The following DNAH12 variants were observed in gnomAD, a reference collection of about 807,000 sequenced individuals.
DNAH12 encodes dynein axonemal heavy chain 12.
DNAH12 carries 285 observed loss-of-function variants against 371.5 expected under a neutral mutation model. That is an observed-to-expected ratio of 0.77 (90% CI 0.70 to 0.85). The LOEUF is 0.85. DNAH12 is among the 40% of genes least tolerant of loss of function. The probability of loss-of-function intolerance (pLI) is 0.00; values close to 1 mark genes in which losing one functional copy is unlikely to be tolerated. For missense variants in DNAH12, 3,611 were observed against 3,689.4 expected (o/e 0.98, Z 0.55); for synonymous variants, 1,200 against 1,213.0 (o/e 0.99, Z 0.22).
intron 50 of DNAH12, among the ~76,000 whole-genome samples, chr3:57,382,034 A>G: frequency 6.6e-6 from 1 of 152,164 alleles, no homozygotes; most frequent in Non-Finnish European, 1.5e-5. Flanking sequence ...CACCTGGCTA[A>G]TTTATATATT....
intron 45 of DNAH12, among the ~76,000 whole-genome samples, chr3:57,389,869 C>G (rs1295401325): frequency 1.7e-5 from 2 of 115,034 alleles, no homozygotes; most frequent in Non-Finnish European, 4.0e-5. Context: ...TGGAGTTTCA[C>G]TCTGTTGCCA....
At position 57,310,759 on chromosome 3, in the gene DNAH12, T is replaced by A; in HGVS notation, c.10854A>T (p.Ala3618=). ...YKFSPSGNYF[A]PPKGTYEDYI... The stretch of plus-strand genomic sequence containing the variant: ...AGTCCTCATAAGTGCCTTTAGGAGG[T>A]GCAAAATAGTTTCCACTGGGAGAAA... Residue 3618 remains alanine (A), a synonymous_variant, in exon 67 of 74, where the codon GCA becomes GCT. Transcript: ENST00000495027. 1 of 1,551,602 alleles carries A rather than the reference T, an allele frequency of 6.4e-7. No individual in the cohort carries two copies. Among genetic ancestry groups the A allele is most frequent in the Non-Finnish European group, 8.7e-7 (1 of 1,146,942 alleles).
chr3:57,349,004 T>C (rs782619682), intron 60 of DNAH12, among the ~76,000 whole-genome samples: 2 of 148,486 alleles, frequency 1.3e-5, no homozygotes, highest in African/African-American at 2.5e-5. Context: ...AAAAACCTCC[T>C]GCACAGCAAA....
chr3:57,512,252 C>T (rs1255427562), intron 4 of DNAH12, among the ~76,000 whole-genome samples: 1 of 152,170 alleles, frequency 6.6e-6, no homozygotes, highest in Admixed American at 6.5e-5. Context: ...CACAAGAAAA[C>T]AAGTATTGCA....
At chr3:57,485,476 C>A (rs1417966769) in intron 12 of DNAH12, among the ~76,000 whole-genome samples, 1 of 151,346 alleles carries the variant, frequency 6.6e-6, no homozygotes, top group East Asian at 2.0e-4. Flanking sequence ...TGGTGCAATA[C>A]ACCACAACCT....
the DNAH12 span, among the ~76,000 whole-genome samples, chr3:57,553,327 C>T: frequency 6.6e-6 from 1 of 152,202 alleles, no homozygotes; most frequent in Non-Finnish European, 1.5e-5. Context: ...TCACCCTGTT[C>T]CTGAGTATCC....
chr3:57,499,118 G>C lies in DNAH12; in HGVS notation c.1335+2203C>G, dbSNP rs988473511. ...AGTAAAAGAAATCAGATGCAAAAGA[G>C]TATGTATATATGATTCTATTTATCT... On this transcript the variant is annotated intron_variant, in intron 11 of 73. Coordinates refer to ENST00000495027, the MANE Select transcript of DNAH12 (RefSeq NM_001366028.2). Among the ~76,000 whole-genome samples, 17 of 152,132 alleles carry C rather than the reference G, an allele frequency of 1.1e-4. 1 individual carries two copies. Among genetic ancestry groups the C allele is most frequent in the Admixed American group, 2.6e-4 (4 of 15,268 alleles).
intron 2 of DNAH12, among the ~76,000 whole-genome samples, chr3:57,525,479 G>C (rs1015397744): frequency 1.3e-5 from 2 of 152,210 alleles, no homozygotes; most frequent in East Asian, 1.9e-4. Flanking sequence ...CTGTGAGATG[G>C]GTGGGGATGT....
At chr3:57,519,415 C>T (rs540054397) in intron 4 of DNAH12, among the ~76,000 whole-genome samples, 13 of 152,154 alleles carry the variant, frequency 8.5e-5, no homozygotes, top group Non-Finnish European at 1.5e-4. Context: ...CACTCCTAAG[C>T]TATGTGTGCG....
chr3:57,436,831 C>A, intron 30 of DNAH12, 120 bp downstream of exon 30: 1 of 615,280 alleles, frequency 1.6e-6, no homozygotes, highest in Non-Finnish European at 2.6e-6. Context: ...GGCCAGGGGG[C>A]GGGCGGGGGT....
At chr3:57,359,433 C>A (rs2062871367) in intron 58 of DNAH12, among the ~76,000 whole-genome samples, 2 of 151,672 alleles carry the variant, frequency 1.3e-5, no homozygotes, top group African/African-American at 4.8e-5. Context: ...GTGGCGCATG[C>A]CTGTAATCCC....
Position 57,495,843 on chromosome 3 carries a change from AC to A in DNAH12, c.1335+5477del, listed in dbSNP as rs1380477395. Among the ~76,000 whole-genome samples, 293 of 140,638 alleles carry A rather than the reference AC, an allele frequency of 2.1e-3. 6 individuals carry two copies. Among genetic ancestry groups the A allele is most frequent in the Middle Eastern group, 7.2e-3 (2 of 276 alleles). 92.3% of individuals were successfully genotyped at this position (140,638 alleles called of 152,430 possible). A position where few individuals can be genotyped will look rare whatever the true frequency, so the allele number is the denominator to read the frequency against. On this transcript the variant is annotated intron_variant, in intron 11 of 73. Transcript: ENST00000495027. Reference sequence around the variant, plus strand: ...ATTTATATATTTATATATATTTTAAACAATGTATTTATATATTTTATAAATA... The same window carrying A: ...ATTTATATATTTATATATATTTTAAAAATGTATTTATATATTTTATAAATA...
chr3:57,350,036 T>C (rs1553659611), intron 60 of DNAH12, among the ~76,000 whole-genome samples: 1 of 152,200 alleles, frequency 6.6e-6, no homozygotes, highest in African/African-American at 2.4e-5. Context: ...CTTACTGTAA[T>C]GTAAAAGCAA....
At chr3:57,324,839 A>G (rs1444624831) in intron 62 of DNAH12, among the ~76,000 whole-genome samples, 1 of 152,152 alleles carries the variant, frequency 6.6e-6, no homozygotes, top group East Asian at 1.9e-4. Flanking sequence ...GTGACGGATG[A>G]CACCTGGAAA....
intron 23 of DNAH12, among the ~76,000 whole-genome samples, chr3:57,454,480 C>CAAAAAAAAAA (rs5849208): frequency 8.2e-6 from 1 of 122,144 alleles, no homozygotes. Flanking sequence ...AACTACATCT[C>CAAAAAAAAAA]AAAAAAAAAA....
chr3:57,369,229 ATATATAT>A (rs1559593537), intron 55 of DNAH12, among the ~76,000 whole-genome samples: 1 of 131,562 alleles, frequency 7.6e-6, no homozygotes, highest in Non-Finnish European at 1.6e-5. Flanking sequence ...TAAAAAAAAA[ATATATAT>A]ATATATATAT....
chr3:57,521,476 A>G (rs1348487633), intron 4 of DNAH12, among the ~76,000 whole-genome samples: 1 of 152,114 alleles, frequency 6.6e-6, no homozygotes, highest in Non-Finnish European at 1.5e-5. Context: ...CAGTCTGGGC[A>G]GCAAAGAGAG....
intron 39 of DNAH12, among the ~76,000 whole-genome samples, chr3:57,408,752 T>A (rs1204497302): frequency 1.9e-5 from 1 of 52,278 alleles, no homozygotes; most frequent in Non-Finnish European, 4.8e-5. Flanking sequence ...ATATCTGGAA[T>A]GACCCTTCCC....
intron 13 of DNAH12, among the ~76,000 whole-genome samples, chr3:57,475,359 A>G (rs2153381675): frequency 6.6e-6 from 1 of 152,324 alleles, no homozygotes; most frequent in East Asian, 1.9e-4. Flanking sequence ...AGACAAAGAA[A>G]GAAAGAAAGA....
Sources: allele counts gnomAD v4.1 joint callset (sites outside exome capture counted in the v4.1 genomes callset), GRCh38; gene constraint gnomAD v4.1.1; transcripts MANE v1.5; gene names NCBI Gene and HGNC (gene_info 2026-07-23, HGNC 2026-07-21).